The following MYO3B variants were observed in gnomAD, a reference collection of about 807,000 sequenced individuals.
MYO3B encodes myosin-IIIb.
In MYO3B, 156 loss-of-function variants were observed where a neutral mutation model predicts 174.6. The ratio of observed to expected loss-of-function variants is 0.89; its 90% CI spans 0.78 to 1.02. The LOEUF (loss-of-function observed/expected upper bound fraction) is 1.02, where lower values mean the gene tolerates loss of function less well. MYO3B is among the 50% of genes least tolerant of loss of function. The pLI, the probability that MYO3B is intolerant of heterozygous loss-of-function variation, is 0.00. For missense variants in MYO3B, 1,632 were observed against 1,639.4 expected (o/e 1.00, Z 0.08); for synonymous variants, 563 against 569.1 (o/e 0.99, Z 0.15).
intron 25 of MYO3B, among the ~76,000 whole-genome samples, chr2:170,470,102 C>CAAA (rs34472083): frequency 1.0e-3 from 48 of 46,324 alleles, no homozygotes; most frequent in East Asian, 2.4e-3. Flanking sequence ...AACTCCGTCT[C>CAAA]AAAAAAAAAA....
chr2:170,552,087 G>A (rs1044900106), intron 32 of MYO3B, among the ~76,000 whole-genome samples: 19 of 152,174 alleles, frequency 1.2e-4, no homozygotes, highest in African/African-American at 4.6e-4. Flanking sequence ...CTCAGTCTCA[G>A]GTAGTTTTTT....
chr2:170,414,926 C>T (rs915314478), intron 22 of MYO3B, among the ~76,000 whole-genome samples: 2 of 152,218 alleles, frequency 1.3e-5, no homozygotes, highest in African/African-American at 4.8e-5. Context: ...TTGTCACTCA[C>T]AACCTTGCTA....
At chr2:170,224,859 G>A (rs1182203702) in intron 6 of MYO3B, among the ~76,000 whole-genome samples, 3 of 152,236 alleles carry the variant, frequency 2.0e-5, no homozygotes, top group Non-Finnish European at 4.4e-5. Context: ...GACAAGGGAC[G>A]GTTGCCATAA....
chr2:170,249,172 G>C (rs1221220644), intron 7 of MYO3B, among the ~76,000 whole-genome samples: 1 of 152,206 alleles, frequency 6.6e-6, no homozygotes, highest in African/African-American at 2.4e-5. Flanking sequence ...CCTATCCTGA[G>C]CTCTGAGCCA....
intron 33 of MYO3B, 61 bp downstream of exon 33, chr2:170,651,795 T>G: frequency 7.0e-7 from 1 of 1,422,898 alleles, no homozygotes; most frequent in Non-Finnish European, 9.9e-7. Flanking sequence ...ATAATTCTGT[T>G]ATTACTACCT....
At chr2:170,492,497 A>G (rs1420668130) in intron 25 of MYO3B, among the ~76,000 whole-genome samples, 1 of 152,258 alleles carries the variant, frequency 6.6e-6, no homozygotes, top group African/African-American at 2.4e-5. Context: ...AAGAGGTCAG[A>G]TACTAGTTCT....
intron 32 of MYO3B, among the ~76,000 whole-genome samples, chr2:170,650,464 A>T (rs1698913366): frequency 6.6e-6 from 1 of 152,044 alleles, no homozygotes; most frequent in Non-Finnish European, 1.5e-5. Flanking sequence ...CTTTTTAATG[A>T]ATAGTTTATA....
chr2:170,592,479 A>G (rs907982893), intron 32 of MYO3B, among the ~76,000 whole-genome samples: 1 of 152,222 alleles, frequency 6.6e-6, no homozygotes, highest in Non-Finnish European at 1.5e-5. Flanking sequence ...TGAGAAAACC[A>G]CAGCTTAGAG....
In MYO3B at chr2:170,580,712, T is replaced by TTATA. The variant is rs139311800; in HGVS notation, c.3733+36728_3733+36731dup. ...TATAAGCTTCAGGTCCCACAAAACCTTATATATGTGTGTGTGTGTGTGTGT... is the reference window on the plus strand; with the variant it reads ...TATAAGCTTCAGGTCCCACAAAACCTTATATATATATGTGTGTGTGTGTGTGTGT... On this transcript the variant is annotated intron_variant, in intron 32 of 34. Coordinates refer to ENST00000408978, the MANE Select transcript of MYO3B (RefSeq NM_138995.5). Among the ~76,000 whole-genome samples the TTATA allele has an allele frequency of 8.0e-3, 1,085 of 136,146 alleles. 16 individuals carry two copies. The highest frequency in any genetic ancestry group is 0.026 in the African/African-American group (950 of 36,224). The allele number at this position is 136,146 out of a possible 152,430, so 89.3% of individuals were successfully genotyped here. A position where few individuals can be genotyped will look rare whatever the true frequency, so the allele number is the denominator to read the frequency against.
At chr2:170,382,750 A>C in intron 10 of MYO3B, 1 of 213,588 alleles carries the variant, frequency 4.7e-6, no homozygotes, top group Admixed American at 5.3e-5. Context: ...CTATTAAATA[A>C]AATTTTAAAT....
intron 32 of MYO3B, among the ~76,000 whole-genome samples, chr2:170,592,989 G>A (rs1693912885): frequency 1.3e-5 from 2 of 151,716 alleles, no homozygotes; most frequent in Admixed American, 1.3e-4. Flanking sequence ...ACCTAAATAG[G>A]TAGATAGATA....
At chr2:170,369,889 T>C (rs899841260) in intron 9 of MYO3B, among the ~76,000 whole-genome samples, 2 of 152,216 alleles carry the variant, frequency 1.3e-5, no homozygotes. Flanking sequence ...TTTCAAACTC[T>C]TTAGAGTCGA....
intron 30 of MYO3B, chr2:170,524,364 G>T: frequency 2.9e-6 from 1 of 344,414 alleles, no homozygotes; most frequent in South Asian, 2.1e-5. Context: ...ACTGGGTTAT[G>T]CAGGGTCACA....
At chr2:170,630,860 A>G (rs1011932177) in intron 32 of MYO3B, among the ~76,000 whole-genome samples, 4 of 152,192 alleles carry the variant, frequency 2.6e-5, no homozygotes, top group African/African-American at 9.6e-5. Context: ...AGTAGCATCA[A>G]TATCAACAAA....
intron 13 of MYO3B, 119 bp downstream of exon 13, chr2:170,386,391 C>A: frequency 1.3e-6 from 1 of 771,906 alleles, no homozygotes; most frequent in Non-Finnish European, 2.0e-6. Flanking sequence ...GACATTCCAT[C>A]TTTGCTACGT....
chr2:170,512,909 A>C (rs1421518562), intron 28 of MYO3B, among the ~76,000 whole-genome samples: 1 of 152,134 alleles, frequency 6.6e-6, no homozygotes, highest in Non-Finnish European at 1.5e-5. Context: ...CCTTGTCTCA[A>C]TTTCCTCAGC....
intron 21 of MYO3B, among the ~76,000 whole-genome samples, 186 bp downstream of exon 21, chr2:170,405,819 A>G (rs994433056): frequency 6.6e-6 from 1 of 152,216 alleles, no homozygotes; most frequent in African/African-American, 2.4e-5. Flanking sequence ...CCTGGCATAG[A>G]AGCAATTTCT....
chr2:170,341,527 C>T (rs1210516880), intron 8 of MYO3B: 2 of 152,178 alleles, frequency 1.3e-5, no homozygotes, highest in Non-Finnish European at 2.9e-5. Flanking sequence ...CAGACTCTCT[C>T]CATTTTAGAT....
At chr2:170,235,913 A>G in intron 6 of MYO3B, 78 bp from the exon 7 acceptor site, 1 of 1,569,716 alleles carries the variant, frequency 6.4e-7, no homozygotes, top group Non-Finnish European at 8.7e-7. Flanking sequence ...GAACGGGGCT[A>G]AGATCAGCCC....
Sources: allele counts gnomAD v4.1 joint callset (sites outside exome capture counted in the v4.1 genomes callset), GRCh38; gene constraint gnomAD v4.1.1; transcripts MANE v1.5; gene names NCBI Gene and HGNC (gene_info 2026-07-23, HGNC 2026-07-21).